DISC1: variants seen among roughly 807,000 people sequenced by gnomAD.
DISC1 encodes DISC1 scaffold protein.
In DISC1, 57 loss-of-function variants were observed where a neutral mutation model predicts 84.5. The observed-to-expected ratio is 0.67, with a 90% CI of 0.55 to 0.84. The LOEUF (loss-of-function observed/expected upper bound fraction) is 0.84. DISC1 is among the 40% of genes least tolerant of loss of function. The probability of loss-of-function intolerance (pLI) is 0.00; values close to 1 mark genes in which losing one functional copy is unlikely to be tolerated. For synonymous variants in DISC1, 411 were observed against 415.2 expected, an observed-to-expected ratio of 0.99 and a Z score of 0.12; for missense variants, 1,000 against 1,057.8, an observed-to-expected ratio of 0.95 and a Z score of 0.76.
chr1:231,810,107 T>G (rs1041770068), intron 8 of DISC1, among the ~76,000 whole-genome samples: 1 of 152,308 alleles, frequency 6.6e-6, no homozygotes, highest in Non-Finnish European at 1.5e-5. Context: ...GTTCTTAACA[T>G]TGTATGGAAC....
rs112770829 is a variant in DISC1 at position 231,722,703 on chromosome 1, G to A, written c.1117+20679G>A. On this transcript the variant is annotated intron_variant, in intron 3 of 12. Coordinates refer to ENST00000439617, the MANE Select transcript of DISC1 (RefSeq NM_018662.3). Reference sequence around the variant, plus strand: ...TGAAAAGAAAAAGAGGACCCACGTGGAAGAATACGCTCATTTATGATCAGG... The same window carrying A: ...TGAAAAGAAAAAGAGGACCCACGTGAAAGAATACGCTCATTTATGATCAGG... The A allele has an allele frequency of 1.2e-4, 192 of 1,577,896 alleles. No homozygotes were observed. The African/African-American group carries it at 2.3e-3, about 19-fold the overall frequency.
At chr1:232,025,732 G>A (rs1485532243) in intron 11 of DISC1, among the ~76,000 whole-genome samples, 1 of 151,724 alleles carries the variant, frequency 6.6e-6, no homozygotes, top group Non-Finnish European at 1.5e-5. Context: ...AAGTAGCTGG[G>A]ACTACAGGCG....
At chr1:231,778,195 A>G (rs2077105058) in intron 6 of DISC1, among the ~76,000 whole-genome samples, 1 of 152,216 alleles carries the variant, frequency 6.6e-6, no homozygotes, top group Non-Finnish European at 1.5e-5. Context: ...GTCTCAAGTC[A>G]GAGAGGTCTG....
intron 3 of DISC1, chr1:231,723,865 A>G (rs1573262495): frequency 3.0e-6 from 3 of 985,322 alleles, no homozygotes; most frequent in African/African-American, 3.5e-5. Flanking sequence ...CCAAACAACC[A>G]GGAGCATTTG....
intron 1 of DISC1, among the ~76,000 whole-genome samples, chr1:231,632,122 T>G (rs1052243717): frequency 6.6e-6 from 1 of 152,234 alleles, no homozygotes; most frequent in African/African-American, 2.4e-5. Context: ...GTTTGTAGCC[T>G]AGGAACAGTA....
intron 6 of DISC1, among the ~76,000 whole-genome samples, chr1:231,791,725 G>GT (rs775007261): frequency 2.3e-4 from 35 of 152,292 alleles, no homozygotes; most frequent in Non-Finnish European, 4.4e-4. Context: ...TAATATGCAA[G>GT]TTTTTTAAAA....
intron 9 of DISC1, among the ~76,000 whole-genome samples, chr1:231,863,128 T>C (rs1428170350): frequency 7.2e-5 from 11 of 151,984 alleles, no homozygotes; most frequent in Admixed American, 7.2e-4. Flanking sequence ...GTGCATAGTT[T>C]GTAATGCCTT....
intron 9 of DISC1, among the ~76,000 whole-genome samples, chr1:231,933,056 A>T (rs1302536343): frequency 6.6e-6 from 1 of 152,232 alleles, no homozygotes; most frequent in East Asian, 1.9e-4. Context: ...GATAAAAATG[A>T]TGACAATGAC....
In DISC1 at chr1:231,923,306, C is replaced by CA. The variant is rs1558738260; in HGVS notation, c.1982-35522_1982-35521insA. On this transcript the variant is annotated intron_variant, in intron 9 of 12. Coordinates refer to ENST00000439617, the MANE Select transcript of DISC1 (RefSeq NM_018662.3). The stretch of plus-strand genomic sequence containing the variant: ...TGTCTCAAAAACAAAACAAAAAAAA[C>CA]CAAAAAAAAAAACAAAAAGAAAAAG... 6.2e-3 allele frequency among the ~76,000 whole-genome samples: 678 copies of CA among 109,378 alleles called. 13 individuals are homozygous for CA. Among genetic ancestry groups the CA allele is most frequent in the African/African-American group, 0.013 (426 of 31,720 alleles). 71.8% of individuals were successfully genotyped at this position (109,378 alleles called of 152,430 possible). A position where few individuals can be genotyped will look rare whatever the true frequency, so the allele number is the denominator to read the frequency against.
chr1:231,968,530 T>G (rs1661413682), intron 10 of DISC1, among the ~76,000 whole-genome samples: 1 of 145,778 alleles, frequency 6.9e-6, no homozygotes, highest in African/African-American at 2.6e-5. Flanking sequence ...AGGCGGAGCT[T>G]GCAGTGAGCC....
Position 231,771,066 on chromosome 1 carries a change from A to T in DISC1, c.1630A>T (p.Arg544Trp). 6.3e-7 allele frequency: 1 copy of T among 1,592,362 alleles called. No homozygotes were observed. The highest frequency in any genetic ancestry group is 1.3e-5 in the African/African-American group (1 of 74,624). Reference sequence around the variant, plus strand: ...CCATGCAGAGCCACCGGAAACCATAAGGAGGTACTGCTGATTTCCTAACTG... The same window carrying T: ...CCATGCAGAGCCACCGGAAACCATATGGAGGTACTGCTGATTTCCTAACTG... ...PFHAEPPETI[R>W]SLQERIKSLN... Residue 544 changes from arginine to tryptophan, a missense_variant, in exon 6 of 13, where the codon AGG becomes TGG. Arg to Trp is a moderately radical substitution (Grantham distance 101). Transcript: ENST00000439617.
chr1:231,763,741 G>T (rs2075961950), intron 4 of DISC1, among the ~76,000 whole-genome samples: 1 of 152,158 alleles, frequency 6.6e-6, no homozygotes, highest in Non-Finnish European at 1.5e-5. Context: ...TCCATGCCTT[G>T]CAATTGCCCA....
chr1:232,038,489 A>C lies in DISC1; in HGVS notation c.*1658A>C, dbSNP rs560150721. 73 of 152,274 alleles carry C rather than the reference A, an allele frequency of 4.8e-4. 1 individual carries two copies. Among genetic ancestry groups the C allele is most frequent in the African/African-American group, 1.7e-3 (70 of 41,548 alleles). The allele number at this position is 152,274 out of a possible 1,614,324, so 9.4% of individuals were successfully genotyped here. A position where few individuals can be genotyped will look rare whatever the true frequency, so the allele number is the denominator to read the frequency against. On this transcript the variant is annotated 3_prime_UTR_variant, in exon 13 of 13. Transcript: ENST00000439617. ...ATCTGCTTGGAGAACCACAATGCACATTAGCATATTAGTCTGAGAGAGAAC... is the reference window on the plus strand; with the variant it reads ...ATCTGCTTGGAGAACCACAATGCACCTTAGCATATTAGTCTGAGAGAGAAC...
intron 1 of DISC1, among the ~76,000 whole-genome samples, chr1:231,636,649 T>A (rs1044214901): frequency 6.6e-6 from 1 of 152,194 alleles, no homozygotes; most frequent in Non-Finnish European, 1.5e-5. Flanking sequence ...ATAAAAGATA[T>A]TGTTATTACC....
intron 3 of DISC1, among the ~76,000 whole-genome samples, chr1:231,719,715 C>T (rs1002992706): frequency 3.3e-5 from 5 of 152,122 alleles, no homozygotes; most frequent in African/African-American, 1.2e-4. Flanking sequence ...TTTTTAATCT[C>T]TTTGTGTTTT....
intron 9 of DISC1, among the ~76,000 whole-genome samples, chr1:231,821,327 A>G (rs1194416585): frequency 6.6e-6 from 1 of 152,154 alleles, no homozygotes; most frequent in East Asian, 1.9e-4. Flanking sequence ...TCTGAGTTGG[A>G]TATTCAGTTT....
chr1:231,839,373 T>C (rs887349260), intron 9 of DISC1, among the ~76,000 whole-genome samples: 2 of 152,214 alleles, frequency 1.3e-5, no homozygotes, highest in Admixed American at 6.5e-5. Context: ...ATAATACATG[T>C]AACAATCTTG....
chr1:231,736,511 C>T (rs2072519837), intron 3 of DISC1, among the ~76,000 whole-genome samples: 1 of 152,170 alleles, frequency 6.6e-6, no homozygotes, highest in Admixed American at 6.5e-5. Context: ...GTAGCAGATG[C>T]TCAAAAATGA....
chr1:231,857,068 G>A (rs1275729156), intron 9 of DISC1, among the ~76,000 whole-genome samples: 1 of 152,158 alleles, frequency 6.6e-6, no homozygotes, highest in African/African-American at 2.4e-5. Context: ...AGTGTTTTGG[G>A]CAAAAGCTTA....
Sources: allele counts gnomAD v4.1 joint callset (sites outside exome capture counted in the v4.1 genomes callset), GRCh38; gene constraint gnomAD v4.1.1; transcripts MANE v1.5; gene names NCBI Gene and HGNC (gene_info 2026-07-23, HGNC 2026-07-21).